MOXD1: variants seen among roughly 807,000 people sequenced by gnomAD.
The protein encoded by MOXD1 is monooxygenase DBH like 1.
A neutral mutation model predicts 66.6 loss-of-function variants in MOXD1; 62 were observed. The observed-to-expected ratio is 0.93, with a 90% confidence interval of 0.76 to 1.15. The LOEUF is 1.15. Ranked by LOEUF, MOXD1 falls within the 50% of genes most tolerant of loss-of-function variation. The pLI, the probability that MOXD1 is intolerant of heterozygous loss-of-function variation, is 0.00. For missense variants in MOXD1, 847 were observed against 754.6 expected (o/e 1.12, Z -1.44); for synonymous variants, 303 against 281.9 (o/e 1.07, Z -0.75).
intron 1 of MOXD1, among the ~76,000 whole-genome samples, chr6:132,388,948 C>T (rs1776702006): frequency 6.6e-6 from 1 of 151,252 alleles, no homozygotes; most frequent in Admixed American, 6.6e-5. Context: ...TGGGAGAGGG[C>T]TATGAGGATG....
At chr6:132,353,581 G>A (rs989085891) in intron 4 of MOXD1, among the ~76,000 whole-genome samples, 1 of 152,044 alleles carries the variant, frequency 6.6e-6, no homozygotes, top group Non-Finnish European at 1.5e-5. Flanking sequence ...CTTTTGTCTC[G>A]TAGGTCTTAC....
At chr6:132,307,239 CTT>C (rs1222114243) in intron 10 of MOXD1, among the ~76,000 whole-genome samples, 1 of 152,074 alleles carries the variant, frequency 6.6e-6, no homozygotes, top group East Asian at 1.9e-4. Flanking sequence ...ACAAAATAGA[CTT>C]TAGACCAACA....
chr6:132,353,527 T>A (rs1425463521), intron 4 of MOXD1, among the ~76,000 whole-genome samples: 2 of 152,206 alleles, frequency 1.3e-5, no homozygotes, highest in Non-Finnish European at 2.9e-5. Flanking sequence ...TGCTGAGAAA[T>A]CTGCTGTTAA....
At chr6:132,389,165 A>G (rs1199069479) in intron 1 of MOXD1, among the ~76,000 whole-genome samples, 5 of 151,300 alleles carry the variant, frequency 3.3e-5, no homozygotes, top group African/African-American at 1.2e-4. Context: ...CAACCTCCTG[A>G]GTAGCTAGGA....
At chr6:132,371,891 T>A (rs1221192352) in intron 4 of MOXD1, among the ~76,000 whole-genome samples, 1 of 152,212 alleles carries the variant, frequency 6.6e-6, no homozygotes, top group Non-Finnish European at 1.5e-5. Flanking sequence ...TATTCTTTCT[T>A]GTGTCTTGGC....
At chr6:132,393,175 A>G (rs1776804749) in intron 1 of MOXD1, among the ~76,000 whole-genome samples, 1 of 126,156 alleles carries the variant, frequency 7.9e-6, no homozygotes, top group South Asian at 2.4e-4. Context: ...TGTGTCAGAC[A>G]GAGAAGGGGG....
chr6:132,347,412 C>T (rs1775688572), intron 4 of MOXD1, among the ~76,000 whole-genome samples: 1 of 152,148 alleles, frequency 6.6e-6, no homozygotes. Flanking sequence ...TGTAGTGGCT[C>T]ACATCTGTAA....
intron 4 of MOXD1, among the ~76,000 whole-genome samples, chr6:132,351,881 T>TTTATCCA (rs1775808777): frequency 6.6e-6 from 1 of 152,208 alleles, no homozygotes; most frequent in African/African-American, 2.4e-5. Context: ...TTTCCAGAAA[T>TTTATCCA]TTATCCATCT....
intron 10 of MOXD1, among the ~76,000 whole-genome samples, chr6:132,314,488 T>C (rs1774899009): frequency 6.6e-6 from 1 of 152,214 alleles, no homozygotes; most frequent in South Asian, 2.1e-4. Flanking sequence ...ATGTTGCCCA[T>C]AAAGTCCTAA....
At chr6:132,298,978 T>C (rs1466694146) in intron 10 of MOXD1, among the ~76,000 whole-genome samples, 1 of 152,158 alleles carries the variant, frequency 6.6e-6, no homozygotes, top group Non-Finnish European at 1.5e-5. Context: ...CATTTGTATG[T>C]TCATCATAGC....
chr6:132,321,264 A>AG (rs11439625), intron 8 of MOXD1, among the ~76,000 whole-genome samples: 2 of 41,718 alleles, frequency 4.8e-5, no homozygotes, highest in Non-Finnish European at 7.3e-5. Context: ...ACTCCATCTC[A>AG]AAAAAAAAAA....
At chr6:132,316,642 A>G (rs893608673) in intron 9 of MOXD1, among the ~76,000 whole-genome samples, 1 of 152,154 alleles carries the variant, frequency 6.6e-6, no homozygotes, top group Non-Finnish European at 1.5e-5. Flanking sequence ...CAAGTTTCAA[A>G]TGAGCAAGGA....
intron 4 of MOXD1, among the ~76,000 whole-genome samples, chr6:132,330,349 C>T (rs2114587599): frequency 6.6e-6 from 1 of 152,308 alleles, no homozygotes; most frequent in Non-Finnish European, 1.5e-5. Context: ...GAGTGCGAAT[C>T]TTATTATGAA....
chr6:132,342,127 C>T (rs1306966589), intron 4 of MOXD1, among the ~76,000 whole-genome samples: 1 of 152,110 alleles, frequency 6.6e-6, no homozygotes, highest in Non-Finnish European at 1.5e-5. Context: ...CTCAGCCTCT[C>T]AAGTAGCTGG....
chr6:132,338,709 G>C (rs1378554150), intron 4 of MOXD1, among the ~76,000 whole-genome samples: 1 of 152,002 alleles, frequency 6.6e-6, no homozygotes, highest in Non-Finnish European at 1.5e-5. Context: ...ACATTTTTTT[G>C]GAACACATTT....
chr6:132,362,050 T>C (rs576501020), intron 4 of MOXD1, among the ~76,000 whole-genome samples: 1 of 152,168 alleles, frequency 6.6e-6, no homozygotes, highest in South Asian at 2.1e-4. Flanking sequence ...GCTCCATTTA[T>C]AAAAACTATT....
intron 10 of MOXD1, among the ~76,000 whole-genome samples, chr6:132,311,453 A>G (rs751264837): frequency 1.9e-4 from 29 of 151,638 alleles, no homozygotes; most frequent in Non-Finnish European, 4.1e-4. Context: ...TTTAGAAAGC[A>G]GAAGTGGGAA....
intron 2 of MOXD1, 29 bp downstream of exon 2, chr6:132,374,602 A>G: frequency 6.2e-7 from 1 of 1,605,906 alleles, no homozygotes; most frequent in Non-Finnish European, 8.5e-7. Context: ...CAATTTGTTC[A>G]TGCATGCATT....
intron 1 of MOXD1, among the ~76,000 whole-genome samples, chr6:132,376,157 T>C (rs928438740): frequency 1.2e-4 from 19 of 152,234 alleles, no homozygotes; most frequent in Non-Finnish European, 2.1e-4. Flanking sequence ...GATGATATTT[T>C]ATTTTTGAGA....
Sources: allele counts gnomAD v4.1 joint callset (sites outside exome capture counted in the v4.1 genomes callset), GRCh38; gene constraint gnomAD v4.1.1; transcripts MANE v1.5; gene names NCBI Gene and HGNC (gene_info 2026-07-23, HGNC 2026-07-21).